The following CD99L2 variants were observed in gnomAD, a reference collection of about 807,000 sequenced individuals.
The protein encoded by CD99L2 is CD99 antigen-like protein 2.
In CD99L2, 24 loss-of-function variants were observed where a neutral mutation model predicts 27.3. That is an observed-to-expected ratio of 0.88 (90% CI 0.64 to 1.24). CD99L2 has a LOEUF of 1.24. CD99L2 is among the 50% of genes most tolerant of loss of function. The pLI is 0.00. For missense variants in CD99L2, 255 were observed against 221.6 expected (o/e 1.15, Z -0.96); for synonymous variants, 97 against 87.9 (o/e 1.10, Z -0.58).
At chrX:150,880,807 T>C (rs1359884147) in intron 1 of CD99L2, among the ~76,000 whole-genome samples, 5 of 111,877 alleles carry the variant, frequency 4.5e-5, no homozygotes, top group Non-Finnish European at 9.4e-5. Flanking sequence ...CATCTGTGAC[T>C]TGGGGCAAGT....
intron 1 of CD99L2, among the ~76,000 whole-genome samples, chrX:150,842,513 A>G (rs1557421378): frequency 8.9e-6 from 1 of 111,827 alleles, no homozygotes; most frequent in East Asian, 2.8e-4. Context: ...TCCTTGAGAG[A>G]GATCATTTGA....
intron 4 of CD99L2, among the ~76,000 whole-genome samples, chrX:150,803,138 C>T (rs1603294859): frequency 9.1e-6 from 1 of 110,085 alleles, no homozygotes; most frequent in Admixed American, 9.7e-5. Flanking sequence ...TCGTGATCTG[C>T]CCGCCTCGGC....
At chrX:150,895,371 T>G (rs2047589952) in intron 1 of CD99L2, among the ~76,000 whole-genome samples, 1 of 111,783 alleles carries the variant, frequency 8.9e-6, no homozygotes, top group African/African-American at 3.2e-5. Context: ...CCTCTGTAAT[T>G]AGAACAAAGA....
At chrX:150,849,738 A>G (rs2046761771) in intron 1 of CD99L2, among the ~76,000 whole-genome samples, 1 of 111,558 alleles carries the variant, frequency 9.0e-6, no homozygotes, top group African/African-American at 3.3e-5. Context: ...ATATCAGTAC[A>G]TCCTGCTCCA....
intron 7 of CD99L2, among the ~76,000 whole-genome samples, chrX:150,778,879 A>G (rs1304507558): frequency 4.6e-5 from 5 of 109,838 alleles, no homozygotes; most frequent in African/African-American, 1.7e-4. Context: ...ACACACATAC[A>G]ATCATTGCTG....
chrX:150,838,803 C>T (rs1356253943), intron 1 of CD99L2, among the ~76,000 whole-genome samples: 1 of 106,135 alleles, frequency 9.4e-6, no homozygotes, highest in Non-Finnish European at 1.9e-5. Flanking sequence ...AATCCTCCGG[C>T]CTTGGCCTTC....
At chrX:150,846,210 A>C (rs1179122277) in intron 1 of CD99L2, among the ~76,000 whole-genome samples, 4 of 112,155 alleles carry the variant, frequency 3.6e-5, no homozygotes. Flanking sequence ...AAAAATAATA[A>C]AAATAACTTA....
intron 1 of CD99L2, among the ~76,000 whole-genome samples, chrX:150,882,946 C>T (rs112144419): frequency 0.22 from 23,819 of 110,059 alleles, 2,228 homozygotes; most frequent in African/African-American, 0.36. Context: ...CTGAGGTGGG[C>T]GGATCACCTG....
At chrX:150,802,583 ATT>A (rs781989087) in intron 4 of CD99L2, among the ~76,000 whole-genome samples, 37 of 84,908 alleles carry the variant, frequency 4.4e-4, no homozygotes, top group African/African-American at 1.5e-3. Flanking sequence ...AGAAAAGACA[ATT>A]TTTTTTTTTT....
chrX:150,778,685 A>AATAT (rs374603167), intron 7 of CD99L2, among the ~76,000 whole-genome samples: 8 of 81,514 alleles, frequency 9.8e-5, no homozygotes, highest in African/African-American at 3.9e-4. Context: ...AAAAAAAAAA[A>AATAT]ATATATATAT....
intron 1 of CD99L2, among the ~76,000 whole-genome samples, chrX:150,887,767 G>A (rs1010476105): frequency 4.5e-5 from 5 of 112,005 alleles, no homozygotes; most frequent in African/African-American, 3.3e-5. Context: ...GAACCCGACC[G>A]CTGAGGACAG....
At chrX:150,840,836 TAAG>T (rs2046612907) in intron 1 of CD99L2, among the ~76,000 whole-genome samples, 3 of 110,379 alleles carry the variant, frequency 2.7e-5, no homozygotes, top group Admixed American at 1.9e-4. Context: ...TGTAGATATG[TAAG>T]AAGATGTCCT....
Position 150,777,631 on chromosome X carries a change from G to A in CD99L2, c.497-149C>T. 5 of 561,038 alleles carry A rather than the reference G, an allele frequency of 8.9e-6. No homozygotes were observed. The South Asian group carries it at 1.7e-4, about 19-fold the overall frequency. 46.2% of individuals were successfully genotyped at this position (561,038 alleles called of 1,213,427 possible). On this transcript the variant is annotated intron_variant, in intron 7 of 10. Coordinates refer to ENST00000370377, the MANE Select transcript of CD99L2 (RefSeq NM_031462.4). The stretch of plus-strand genomic sequence containing the variant: ...AGTGGATCACCCGTAGGCTTCTACT[G>A]GACTGCAATGAGGCCTGCTTTCTTA...
At chrX:150,807,182 C>G (rs781964830) in intron 4 of CD99L2, among the ~76,000 whole-genome samples, 1 of 110,889 alleles carries the variant, frequency 9.0e-6, no homozygotes, top group South Asian at 3.9e-4. Flanking sequence ...CCTTTTTCAG[C>G]TTTCTAGATT....
At chrX:150,787,806 A>G (rs2045619574) in intron 7 of CD99L2, among the ~76,000 whole-genome samples, 3 of 101,977 alleles carry the variant, frequency 2.9e-5, no homozygotes, top group Non-Finnish European at 6.0e-5. Context: ...ATGACGAGTT[A>G]ATGGGTACAG....
At chrX:150,848,100 A>G (rs991535230) in intron 1 of CD99L2, among the ~76,000 whole-genome samples, 4 of 99,506 alleles carry the variant, frequency 4.0e-5, no homozygotes, top group African/African-American at 1.1e-4. Flanking sequence ...ATGCCTAACT[A>G]TGGCCTGCAG....
At position 150,824,534 on chromosome X, in the gene CD99L2, AAAGAAGG is replaced by A. The variant is rs200897357; in HGVS notation, c.130+6690_130+6696del. On this transcript the variant is annotated intron_variant, in intron 2 of 10. Transcript: ENST00000370377. ...GAAGGAAGGAAGAAGAAAGAAGAAG[AAAGAAGG>A]AAGAAGGAAGAAGAAGAAAGAAGGA... Among the ~76,000 whole-genome samples the A allele has an allele frequency of 1.1e-3, 106 of 93,957 alleles. 2 individuals carry two copies. The East Asian group carries it at 0.034, about 30-fold the overall frequency. 81.6% of individuals were successfully genotyped at this position (93,957 alleles called of 115,157 possible). A position where few individuals can be genotyped will look rare whatever the true frequency, so the allele number is the denominator to read the frequency against.
At chrX:150,895,780 C>G (rs1185813680) in intron 1 of CD99L2, among the ~76,000 whole-genome samples, 2 of 110,824 alleles carry the variant, frequency 1.8e-5, no homozygotes, top group Non-Finnish European at 3.8e-5. Flanking sequence ...GTAATCCCAG[C>G]ACTTTGGGAG....
chrX:150,791,703 A>G (rs1274760417), intron 7 of CD99L2, among the ~76,000 whole-genome samples: 1 of 110,840 alleles, frequency 9.0e-6, no homozygotes, highest in African/African-American at 3.3e-5. Flanking sequence ...GGGGACAATC[A>G]GAGTCCTGCC....
Sources: allele counts gnomAD v4.1 joint callset (sites outside exome capture counted in the v4.1 genomes callset), GRCh38; gene constraint gnomAD v4.1.1; transcripts MANE v1.5; gene names NCBI Gene and HGNC (gene_info 2026-07-23, HGNC 2026-07-21).